DLGAP2: variants seen among roughly 807,000 people sequenced by gnomAD.
DLGAP2 encodes the protein disks large-associated protein 2.
Under a neutral mutation model 100.3 loss-of-function variants are expected in DLGAP2, and 26 were observed. The observed-to-expected ratio is 0.26, with a 90% CI of 0.19 to 0.36. The LOEUF is 0.36. DLGAP2 is among the 10% of genes least tolerant of loss of function. The pLI is 1.00. For synonymous variants in DLGAP2, 886 were observed against 630.1 expected, an observed-to-expected ratio of 1.41 and a Z score of -6.08; for missense variants, 1,858 against 1,453.2, an observed-to-expected ratio of 1.28 and a Z score of -4.53.
At chr8:837,893 GT>G (rs972429747) in intron 1 of DLGAP2, among the ~76,000 whole-genome samples, 10 of 113,374 alleles carry the variant, frequency 8.8e-5, no homozygotes, top group South Asian at 2.8e-4. Flanking sequence ...GTTGTTTTTT[GT>G]TTTTTTTTTT....
intron 3 of DLGAP2, among the ~76,000 whole-genome samples, chr8:1,469,642 C>CCTCACCCCAAGATGATTCT (rs1202832958): frequency 3.9e-5 from 6 of 152,210 alleles, no homozygotes; most frequent in African/African-American, 1.4e-4. Flanking sequence ...AATGCATCTG[C>CCTCACCCCAAGATGATTCT]CTCACCCCAA....
intron 2 of DLGAP2, among the ~76,000 whole-genome samples, chr8:921,076 C>G (rs1271176045): frequency 6.6e-6 from 1 of 152,220 alleles, no homozygotes; most frequent in East Asian, 1.9e-4. Context: ...CAACTTGATG[C>G]AGATTTAATC....
rs531005842 is a variant in DLGAP2 at position 1,241,320 on chromosome 8, C to T, written c.74-17531C>T. 4.6e-5 allele frequency among the ~76,000 whole-genome samples: 7 copies of T among 152,062 alleles called. No homozygotes were observed. In the East Asian group the frequency reaches 1.2e-3, roughly 25 times the overall value. On this transcript the variant is annotated intron_variant, in intron 2 of 14. Coordinates refer to ENST00000637795, the MANE Select transcript of DLGAP2 (RefSeq NM_001346810.2). The stretch of plus-strand genomic sequence containing the variant: ...CATGGAGCCGTGTCTAGTTCTCTCA[C>T]ATGGCACTGTGTCTAGTTGTCTCAC...
chr8:1,003,502 G>T (rs1801020192), intron 2 of DLGAP2, among the ~76,000 whole-genome samples: 1 of 152,236 alleles, frequency 6.6e-6, no homozygotes, highest in Non-Finnish European at 1.5e-5. Flanking sequence ...CAATCCATTG[G>T]TTTTGGTTAT....
At chr8:1,675,770 T>G (rs907559200) in intron 10 of DLGAP2, among the ~76,000 whole-genome samples, 1 of 152,126 alleles carries the variant, frequency 6.6e-6, no homozygotes, top group Non-Finnish European at 1.5e-5. Flanking sequence ...GTGCCTGGAA[T>G]CATATCAATG....
chr8:879,023 A>C (rs6559197), intron 1 of DLGAP2, among the ~76,000 whole-genome samples: 123,644 of 151,746 alleles, frequency 0.81, 51,404 homozygotes, highest in African/African-American at 0.88. Context: ...GAAGGAGCCT[A>C]CCAATATCCT....
At chr8:1,414,394 C>A (rs1796820191) in intron 3 of DLGAP2, among the ~76,000 whole-genome samples, 3 of 152,158 alleles carry the variant, frequency 2.0e-5, no homozygotes, top group Admixed American at 1.3e-4. Flanking sequence ...AATGCAAGGT[C>A]CGGGGTGTGA....
intron 3 of DLGAP2, among the ~76,000 whole-genome samples, chr8:1,481,004 C>G (rs34787717): frequency 6.6e-6 from 1 of 151,800 alleles, no homozygotes; most frequent in African/African-American, 2.4e-5. Flanking sequence ...AACCCCATCT[C>G]TACTAAAAAT....
intron 1 of DLGAP2, among the ~76,000 whole-genome samples, chr8:796,242 G>A (rs550000567): frequency 2.0e-5 from 3 of 152,104 alleles, no homozygotes; most frequent in South Asian, 2.1e-4. Flanking sequence ...ATTCACGACC[G>A]GGCTCCCCGG....
intron 3 of DLGAP2, among the ~76,000 whole-genome samples, chr8:1,339,536 G>C (rs1801371687): frequency 6.6e-6 from 1 of 152,246 alleles, no homozygotes; most frequent in Non-Finnish European, 1.5e-5. Flanking sequence ...GTGGGAACAA[G>C]CTTCCGTGTC....
At chr8:1,280,497 G>T (rs1435558908) in intron 3 of DLGAP2, among the ~76,000 whole-genome samples, 1 of 152,234 alleles carries the variant, frequency 6.6e-6, no homozygotes, top group Non-Finnish European at 1.5e-5. Context: ...GAGGATTTAG[G>T]AAAAGGTAAT....
intron 2 of DLGAP2, among the ~76,000 whole-genome samples, chr8:1,090,164 A>G (rs1412537736): frequency 0.03 from 3,795 of 127,374 alleles, 457 homozygotes; most frequent in East Asian, 0.07. Context: ...CTGGCCAGAC[A>G]GGGGTGGAAA....
intron 1 of DLGAP2, among the ~76,000 whole-genome samples, chr8:825,506 C>T (rs997043181): frequency 6.6e-6 from 1 of 152,184 alleles, no homozygotes. Flanking sequence ...AAGCATTCCC[C>T]ACCCACTGAG....
chr8:1,038,136 T>C (rs1802189628), intron 2 of DLGAP2, among the ~76,000 whole-genome samples: 1 of 152,234 alleles, frequency 6.6e-6, no homozygotes, highest in Non-Finnish European at 1.5e-5. Context: ...TTCGTCCCTC[T>C]GGAGTCGCTA....
At chr8:1,515,589 A>G (rs1563195976) in intron 4 of DLGAP2, among the ~76,000 whole-genome samples, 1 of 152,032 alleles carries the variant, frequency 6.6e-6, no homozygotes, top group Non-Finnish European at 1.5e-5. Flanking sequence ...CAGACATGCA[A>G]AAATATGCAG....
rs1366401897 is a variant in DLGAP2, at chr8:742,753, C to A, written c.18+4928C>A. The stretch of plus-strand genomic sequence containing the variant: ...AGATTCCTGTCCTTAAGGAATCCTC[C>A]TGCCCTGGCCTCCTCAAGTGCTGGG... On this transcript the variant is annotated intron_variant, in intron 1 of 14. Coordinates refer to ENST00000637795, the MANE Select transcript of DLGAP2 (RefSeq NM_001346810.2). Among the ~76,000 whole-genome samples the A allele has an allele frequency of 2.6e-5, 4 of 152,068 alleles. No homozygotes were observed. In the South Asian group the frequency reaches 6.2e-4, roughly 24 times the overall value.
chr8:913,156 G>T (rs1425009746), intron 2 of DLGAP2, among the ~76,000 whole-genome samples: 1 of 152,228 alleles, frequency 6.6e-6, no homozygotes, highest in Admixed American at 6.5e-5. Flanking sequence ...GAAGCCTACA[G>T]GTTGGCAGAC....
intron 2 of DLGAP2, among the ~76,000 whole-genome samples, chr8:994,389 G>A (rs748995302): frequency 3.6e-4 from 55 of 152,084 alleles, no homozygotes; most frequent in Non-Finnish European, 2.2e-4. Flanking sequence ...TAGTAGAGAC[G>A]GGTTTTCTCC....
intron 4 of DLGAP2, among the ~76,000 whole-genome samples, chr8:1,543,232 C>T (rs906239242): frequency 1.3e-5 from 2 of 152,056 alleles, no homozygotes; most frequent in African/African-American, 4.8e-5. Context: ...TATATTTTTT[C>T]CTGTGCTTTG....
Sources: allele counts gnomAD v4.1 joint callset (sites outside exome capture counted in the v4.1 genomes callset), GRCh38; gene constraint gnomAD v4.1.1; transcripts MANE v1.5; gene names NCBI Gene and HGNC (gene_info 2026-07-23, HGNC 2026-07-21).